The following PLS1 variants were observed in gnomAD, a reference collection of about 807,000 sequenced individuals.
PLS1 encodes plastin-1.
A neutral mutation model predicts 73.7 loss-of-function variants in PLS1; 32 were observed. That is an observed-to-expected ratio of 0.43 (90% CI 0.33 to 0.58). The LOEUF is 0.58. Ranked by LOEUF, PLS1 falls within the 20% of genes least tolerant of loss-of-function variation. The pLI, the probability that PLS1 is intolerant of heterozygous loss-of-function variation, is 0.04. For missense variants in PLS1, 633 were observed against 740.5 expected (o/e 0.85, Z 1.68); for synonymous variants, 217 against 261.3 (o/e 0.83, Z 1.63).
At chr3:142,639,946 A>G (rs908267269) in intron 1 of PLS1, among the ~76,000 whole-genome samples, 3 of 152,240 alleles carry the variant, frequency 2.0e-5, no homozygotes, top group Non-Finnish European at 4.4e-5. Flanking sequence ...TTATATTACT[A>G]GTTCTACATG....
At chr3:142,650,997 G>A (rs6798232) in intron 1 of PLS1, among the ~76,000 whole-genome samples, 94,899 of 151,938 alleles carry the variant, frequency 0.62, 30,090 homozygotes, top group African/African-American at 0.67. Flanking sequence ...CAGAGGAGGT[G>A]ACAATTGGAA....
At chr3:142,669,588 C>T in intron 3 of PLS1, 35 bp downstream of exon 3, 1 of 1,531,976 alleles carries the variant, frequency 6.5e-7, no homozygotes, top group Non-Finnish European at 9.0e-7. Context: ...TACTGATAAT[C>T]TTGCTTAGAG....
intron 10 of PLS1, among the ~76,000 whole-genome samples, chr3:142,690,306 G>T (rs2038060842): frequency 6.6e-6 from 1 of 152,054 alleles, no homozygotes; most frequent in African/African-American, 2.4e-5. Context: ...ATGCAGATTT[G>T]ACCCCTCCTA....
At chr3:142,647,503 C>CTTTCT (rs1553785179) in intron 1 of PLS1, among the ~76,000 whole-genome samples, 24,775 of 141,884 alleles carry the variant, frequency 0.17, 2,664 homozygotes, top group African/African-American at 0.31. Flanking sequence ...TTTTTCTTTT[C>CTTTCT]TTTTTTTTTT....
chr3:142,699,150 A>G (rs1412379362), intron 12 of PLS1, among the ~76,000 whole-genome samples: 1 of 152,090 alleles, frequency 6.6e-6, no homozygotes, highest in Admixed American at 6.6e-5. Flanking sequence ...TACCTAATGC[A>G]TGCAGGGCTT....
At chr3:142,598,180 GTA>G (rs1203963764) in intron 1 of PLS1, among the ~76,000 whole-genome samples, 2 of 152,210 alleles carry the variant, frequency 1.3e-5, no homozygotes, top group East Asian at 3.9e-4. Flanking sequence ...TATCCCCATT[GTA>G]TATAGTATCC....
In PLS1 at chr3:142,664,920, T is replaced by C. The variant is rs573454609; in HGVS notation, c.70+613T>C. 7.2e-5 allele frequency among the ~76,000 whole-genome samples: 11 copies of C among 152,332 alleles called. No homozygotes were observed. In the East Asian group the frequency reaches 2.1e-3, roughly 29 times the overall value. ...CTCATACTCTGTTGGATCTCAATTC[T>C]TCTGCAATTTGCTCTTAGGAAACCC... is the stretch of plus-strand genomic sequence containing the variant. On this transcript the variant is annotated intron_variant, in intron 2 of 15. Coordinates refer to ENST00000457734, the MANE Select transcript of PLS1 (RefSeq NM_001145319.2).
intron 1 of PLS1, among the ~76,000 whole-genome samples, chr3:142,619,135 A>G (rs990586565): frequency 7.9e-5 from 12 of 152,312 alleles, no homozygotes; most frequent in Middle Eastern, 3.4e-3. Context: ...TACAAAACAA[A>G]TAGTTTTGAA....
chr3:142,702,412 G>A (rs572599838), intron 12 of PLS1, among the ~76,000 whole-genome samples: 5 of 152,186 alleles, frequency 3.3e-5, no homozygotes, highest in Admixed American at 3.3e-4. Context: ...TGTATTAGCT[G>A]TCTCACATTT....
In PLS1 at chr3:142,676,223, A is replaced by G. The variant is rs776621348; in HGVS notation, c.431A>G (p.His144Arg). 2 of 1,613,242 alleles carry G rather than the reference A, an allele frequency of 1.2e-6. No homozygotes were observed. Among genetic ancestry groups the G allele is most frequent in the South Asian group, 1.1e-5 (1 of 91,050 alleles). Reference sequence around the variant, plus strand: ...CTGGAGAATGACCCTGACTGTAAGCATCTTATACCCATGAATCCCAATGAT... The same window carrying G: ...CTGGAGAATGACCCTGACTGTAAGCGTCTTATACCCATGAATCCCAATGAT... ...KALENDPDCK[H>R]LIPMNPNDDS... Residue 144 changes from histidine to arginine, a missense_variant, in exon 5 of 16, where the codon CAT becomes CGT. Transcript: ENST00000457734.
chr3:142,697,736 G>A (rs563270520), intron 11 of PLS1, among the ~76,000 whole-genome samples: 1 of 152,322 alleles, frequency 6.6e-6, no homozygotes, highest in Admixed American at 6.5e-5. Flanking sequence ...TTGTGGCAAT[G>A]AATGTCCTTG....
Position 142,711,683 on chromosome 3 carries a change from T to C in PLS1, c.1754+58T>C, listed in dbSNP as rs192994503. On this transcript the variant is annotated intron_variant, in intron 15 of 15. Coordinates refer to ENST00000457734, the MANE Select transcript of PLS1 (RefSeq NM_001145319.2). ...GCCCTTTAATTCTCTAAAATCCTTA[T>C]AGGAAAAGTTACTATGCCCTTAAAA... 9.8e-4 allele frequency: 1,427 copies of C among 1,457,008 alleles called. 21 individuals are homozygous for C. The highest frequency in any genetic ancestry group is 8.8e-3 in the African/African-American group (622 of 70,578). 90.3% of individuals were successfully genotyped at this position (1,457,008 alleles called of 1,614,324 possible).
At chr3:142,657,680 G>A (rs2037272446) in intron 1 of PLS1, among the ~76,000 whole-genome samples, 1 of 152,068 alleles carries the variant, frequency 6.6e-6, no homozygotes, top group Admixed American at 6.5e-5. Context: ...AGTAGAGACG[G>A]GGTTTCACTG....
At chr3:142,696,720 A>AAATAAT (rs370809568) in intron 11 of PLS1, among the ~76,000 whole-genome samples, 13,670 of 136,710 alleles carry the variant, frequency 0.1, 725 homozygotes, top group African/African-American at 0.15. Context: ...TCTATTTGCA[A>AAATAAT]AATAATAATA....
At chr3:142,698,923 G>GT (rs2038268562) in intron 12 of PLS1, among the ~76,000 whole-genome samples, 1 of 152,118 alleles carries the variant, frequency 6.6e-6, no homozygotes, top group Non-Finnish European at 1.5e-5. Flanking sequence ...CAACCTAGTT[G>GT]TTCAGTAAAG....
chr3:142,631,798 A>G (rs2036571640), intron 1 of PLS1, among the ~76,000 whole-genome samples: 1 of 152,050 alleles, frequency 6.6e-6, no homozygotes, highest in Non-Finnish European at 1.5e-5. Flanking sequence ...GCTTCAGGAC[A>G]CTGAATTTGG....
intron 1 of PLS1, among the ~76,000 whole-genome samples, chr3:142,650,904 T>A (rs770028847): frequency 1.3e-5 from 2 of 151,892 alleles, no homozygotes; most frequent in Admixed American, 1.3e-4. Flanking sequence ...AAAAAGATCC[T>A]GGGATGCTAG....
At chr3:142,685,676 G>C (rs1466645126) in intron 8 of PLS1, among the ~76,000 whole-genome samples, 3 of 152,228 alleles carry the variant, frequency 2.0e-5, no homozygotes, top group Non-Finnish European at 2.9e-5. Context: ...AGAGGAAGCA[G>C]AAGCTCTTAA....
At chr3:142,642,305 G>A (rs1234404247) in intron 1 of PLS1, among the ~76,000 whole-genome samples, 1 of 151,652 alleles carries the variant, frequency 6.6e-6, no homozygotes, top group Non-Finnish European at 1.5e-5. Flanking sequence ...CCTTTTATTG[G>A]GAGATTTACC....
Sources: gnomAD v4.1 joint callset for allele counts (sites outside exome capture counted in the v4.1 genomes callset) on GRCh38, gnomAD v4.1.1 for gene constraint, MANE v1.5 for transcripts, NCBI Gene and HGNC (gene_info 2026-07-23, HGNC 2026-07-21) for gene names.